The following AGBL4 variants were observed in gnomAD, a reference collection of about 807,000 sequenced individuals.
The protein encoded by AGBL4 is AGBL carboxypeptidase 4.
Under a neutral mutation model 66.4 loss-of-function variants are expected in AGBL4, and 58 were observed. The observed-to-expected ratio is 0.87, with a 90% CI of 0.71 to 1.09. AGBL4 has a LOEUF of 1.09. AGBL4 is among the 50% of genes least tolerant of loss of function. The pLI is 0.00. For missense variants in AGBL4, 579 were observed against 631.0 expected (o/e 0.92, Z 0.88); for synonymous variants, 234 against 222.9 (o/e 1.05, Z -0.44).
chr1:49,705,773 C>T (rs908040497), intron 2 of AGBL4, among the ~76,000 whole-genome samples: 16 of 151,610 alleles, frequency 1.1e-4, no homozygotes, highest in Admixed American at 5.3e-4. Flanking sequence ...TGAATTTTAT[C>T]GAAGGCCTTT....
At chr1:49,832,804 A>C (rs1333453166) in intron 2 of AGBL4, among the ~76,000 whole-genome samples, 2 of 152,126 alleles carry the variant, frequency 1.3e-5, no homozygotes, top group Non-Finnish European at 2.9e-5. Context: ...TCTTTTGAGA[A>C]GTGTCTGTTC....
At chr1:48,750,912 G>A (rs1651630162) in intron 6 of AGBL4, among the ~76,000 whole-genome samples, 1 of 152,090 alleles carries the variant, frequency 6.6e-6, no homozygotes, top group Non-Finnish European at 1.5e-5. Context: ...CACACTCAGA[G>A]TACCCCCTGG....
At chr1:49,753,436 C>T (rs144772139) in intron 2 of AGBL4, among the ~76,000 whole-genome samples, 2 of 152,290 alleles carry the variant, frequency 1.3e-5, no homozygotes, top group East Asian at 1.9e-4. Flanking sequence ...GCAGAGGATC[C>T]CCTGTTAGTC....
intron 6 of AGBL4, among the ~76,000 whole-genome samples, chr1:48,688,601 G>T (rs1376143913): frequency 6.6e-6 from 1 of 152,110 alleles, no homozygotes; most frequent in African/African-American, 2.4e-5. Flanking sequence ...GACAAGCCTC[G>T]TTCCCTTTGC....
At chr1:48,947,190 G>T (rs950537000) in intron 5 of AGBL4, among the ~76,000 whole-genome samples, 1 of 152,184 alleles carries the variant, frequency 6.6e-6, no homozygotes. Flanking sequence ...TGATGCTCCA[G>T]GTTAGGTTAG....
intron 6 of AGBL4, among the ~76,000 whole-genome samples, chr1:48,857,593 C>A (rs889027777): frequency 1.3e-5 from 2 of 151,936 alleles, no homozygotes; most frequent in Non-Finnish European, 2.9e-5. Context: ...TGGTGGCAGG[C>A]GCCTGCAGTC....
intron 4 of AGBL4, among the ~76,000 whole-genome samples, chr1:49,168,165 A>AT (rs918206764): frequency 7.4e-4 from 112 of 151,580 alleles, no homozygotes; most frequent in Non-Finnish European, 9.9e-4. Context: ...CCATGCCTAT[A>AT]TTTTTTTTTA....
At chr1:48,993,195 C>A (rs1660742160) in intron 5 of AGBL4, among the ~76,000 whole-genome samples, 1 of 152,152 alleles carries the variant, frequency 6.6e-6, no homozygotes, top group African/African-American at 2.4e-5. Flanking sequence ...CTTTAGTCAG[C>A]AGGTGATGAA....
intron 1 of AGBL4, among the ~76,000 whole-genome samples, chr1:49,904,036 T>C (rs1316921102): frequency 1.3e-5 from 2 of 152,154 alleles, no homozygotes; most frequent in African/African-American, 4.8e-5. Context: ...ATGTATTAAA[T>C]TTTCACCATC....
At chr1:49,796,400 C>T (rs1244745992) in intron 2 of AGBL4, among the ~76,000 whole-genome samples, 3 of 151,576 alleles carry the variant, frequency 2.0e-5, no homozygotes, top group Non-Finnish European at 4.4e-5. Flanking sequence ...CCAAATGCAA[C>T]ATTATTAAAA....
intron 3 of AGBL4, among the ~76,000 whole-genome samples, chr1:49,387,885 A>C (rs1332511900): frequency 6.6e-6 from 1 of 152,042 alleles, no homozygotes; most frequent in African/African-American, 2.4e-5. Context: ...CAGCTTCATA[A>C]AAGGAACATG....
chr1:49,134,228 A>C lies in AGBL4; in HGVS notation c.378-88428T>G, dbSNP rs1645959453. 2.0e-5 allele frequency among the ~76,000 whole-genome samples: 3 copies of C among 152,136 alleles called. No individual in the cohort carries two copies. The South Asian group carries it at 6.2e-4, about 31-fold the overall frequency. On this transcript the variant is annotated intron_variant, in intron 4 of 13. Coordinates refer to ENST00000371839, the MANE Select transcript of AGBL4 (RefSeq NM_032785.4). ...ACAAAAGATCACAAGGCAGAAGGTC[A>C]GGGCGAGACCACGAGGTCAGGGTGA...
At chr1:49,782,304 A>G (rs1473056059) in intron 2 of AGBL4, among the ~76,000 whole-genome samples, 1 of 152,168 alleles carries the variant, frequency 6.6e-6, no homozygotes, top group African/African-American at 2.4e-5. Flanking sequence ...TTAAATAAAA[A>G]GAATTATAAG....
chr1:49,215,418 A>G (rs1157791825), intron 4 of AGBL4, among the ~76,000 whole-genome samples: 1 of 152,096 alleles, frequency 6.6e-6, no homozygotes, highest in East Asian at 1.9e-4. Context: ...CTGAATGGTA[A>G]ACAGCCTCTG....
chr1:49,945,804 C>T (rs572871870), intron 1 of AGBL4, among the ~76,000 whole-genome samples: 3 of 152,152 alleles, frequency 2.0e-5, no homozygotes, highest in African/African-American at 7.2e-5. Flanking sequence ...TAACAATCTG[C>T]TGCCTTCAAG....
intron 3 of AGBL4, among the ~76,000 whole-genome samples, chr1:49,299,637 G>A (rs1044178904): frequency 2.0e-5 from 3 of 151,746 alleles, no homozygotes; most frequent in Non-Finnish European, 4.4e-5. Flanking sequence ...TCCTTTTCTG[G>A]TCCTGTCACA....
chr1:49,074,053 C>T (rs1178012349), intron 4 of AGBL4, among the ~76,000 whole-genome samples: 2 of 152,178 alleles, frequency 1.3e-5, no homozygotes, highest in Non-Finnish European at 2.9e-5. Flanking sequence ...AAACTGCCTA[C>T]TCAAGCCTCA....
chr1:49,444,381 C>T (rs1646105092), intron 3 of AGBL4, among the ~76,000 whole-genome samples: 2 of 151,932 alleles, frequency 1.3e-5, no homozygotes, highest in South Asian at 2.1e-4. Context: ...ACTGTTATTG[C>T]AGTCTATCTC....
chr1:49,105,591 A>T (rs1645278029), intron 4 of AGBL4, among the ~76,000 whole-genome samples: 1 of 152,176 alleles, frequency 6.6e-6, no homozygotes, highest in South Asian at 2.1e-4. Context: ...AATATTAATG[A>T]GTGCAAGCTT....
Sources: allele counts gnomAD v4.1 joint callset (sites outside exome capture counted in the v4.1 genomes callset), GRCh38; gene constraint gnomAD v4.1.1; transcripts MANE v1.5; gene names NCBI Gene and HGNC (gene_info 2026-07-23, HGNC 2026-07-21).